Variants in CARMIL1 observed in about 807,000 individuals in gnomAD.
The protein encoded by CARMIL1 is F-actin-uncapping protein LRRC16A.
A neutral mutation model predicts 177.1 loss-of-function variants in CARMIL1; 90 were observed. The observed-to-expected ratio is 0.51, with a 90% CI of 0.43 to 0.61. The LOEUF is 0.61. Ranked by LOEUF, CARMIL1 falls within the 20% of genes least tolerant of loss-of-function variation. The probability of loss-of-function intolerance (pLI) is 0.00; values close to 1 mark genes in which losing one functional copy is unlikely to be tolerated. For missense variants in CARMIL1, 1,380 were observed against 1,667.0 expected (o/e 0.83, Z 3.00); for synonymous variants, 577 against 606.2 (o/e 0.95, Z 0.71).
At chr6:25,425,383 T>C (rs1440307099) in intron 3 of CARMIL1, among the ~76,000 whole-genome samples, 3 of 152,156 alleles carry the variant, frequency 2.0e-5, no homozygotes, top group African/African-American at 7.2e-5. Context: ...CAGTATACTT[T>C]GAGATGTTTA....
chr6:25,561,080 G>A (rs559831041), intron 29 of CARMIL1, among the ~76,000 whole-genome samples: 8 of 152,218 alleles, frequency 5.3e-5, no homozygotes, highest in East Asian at 1.9e-4. Flanking sequence ...ATGCTGAAAC[G>A]TGTATTTCTT....
intron 11 of CARMIL1, among the ~76,000 whole-genome samples, chr6:25,475,380 G>A (rs1303780528): frequency 2.0e-5 from 3 of 150,312 alleles, no homozygotes; most frequent in Non-Finnish European, 4.4e-5. Context: ...TAGCCTGGGT[G>A]AGAGAGTGAG....
At chr6:25,488,623 T>A (rs1384231129) in intron 13 of CARMIL1, 38 bp downstream of exon 13, 1 of 1,486,592 alleles carries the variant, frequency 6.7e-7, no homozygotes, top group Non-Finnish European at 9.4e-7. Context: ...TCGAAGAAGC[T>A]GTGTTTAATA....
Position 25,509,721 on chromosome 6 carries a change from A to C in CARMIL1, c.1461A>C (p.Leu487Phe), listed in dbSNP as rs932342664. The change falls in exon 18 of 37, where the codon TTA becomes TTC. Residue 487 changes from leucine (L) to phenylalanine (F), a missense_variant. By Grantham distance (22) the Leu-to-Phe change is conservative. Transcript: ENST00000329474. The surrounding 1 kb of genome is among the most constrained non-coding windows in gnomAD (Gnocchi z 4.1). ...CTGAAATACACAACATCACCAGCTT[A>C]GACATCTCTGACAATGGTAAGTCAG... is the stretch of plus-strand genomic sequence containing the variant. ...CIAEIHNITS[L>F]DISDNGLESD... 18 of 1,596,748 alleles carry C rather than the reference A, an allele frequency of 1.1e-5. No individual in the cohort carries two copies. The African/African-American group carries it at 2.4e-4, about 21-fold the overall frequency.
intron 1 of CARMIL1, 137 bp from the exon 2 acceptor site, chr6:25,284,675 C>T (rs1471569715): frequency 1.8e-5 from 10 of 557,992 alleles, no homozygotes; most frequent in Non-Finnish European, 3.2e-5. Flanking sequence ...CACCACTGCA[C>T]TCCAGCCTGG....
chr6:25,599,774 T>C (rs1269498057), intron 32 of CARMIL1, among the ~76,000 whole-genome samples: 3 of 152,178 alleles, frequency 2.0e-5, no homozygotes, highest in Non-Finnish European at 4.4e-5. Context: ...GCATGAAAAC[T>C]ATGCACAGGA....
In CARMIL1 at chr6:25,281,136, GCACACACACA is replaced by G. The variant is rs1554148590; in HGVS notation, c.40+1325_40+1334del. ...CAGACGCACGCGCGTGTGCGCGCGC[GCACACACACA>G]CACACACACACACACACACACACGC... On this transcript the variant is annotated intron_variant, in intron 1 of 36. Transcript: ENST00000329474. Among the ~76,000 whole-genome samples, 131 of 132,194 alleles carry G rather than the reference GCACACACACA, an allele frequency of 9.9e-4. 1 individual carries two copies. Among genetic ancestry groups the G allele is most frequent in the South Asian group, 4.4e-3 (16 of 3,656 alleles). 86.7% of individuals were successfully genotyped at this position (132,194 alleles called of 152,430 possible).
chr6:25,553,882 C>G (rs1047387948), intron 27 of CARMIL1, 127 bp from the exon 28 acceptor site: 2 of 657,220 alleles, frequency 3.0e-6, no homozygotes, highest in African/African-American at 1.8e-5. Context: ...TTCACACATT[C>G]TTATATTCCA....
At chr6:25,510,941 C>G (rs1234146538) in intron 20 of CARMIL1, among the ~76,000 whole-genome samples, 179 bp downstream of exon 20, 5 of 116,986 alleles carry the variant, frequency 4.3e-5, no homozygotes, top group African/African-American at 1.7e-4. Flanking sequence ...TATTTAAAAA[C>G]TTTTTTTACT....
intron 20 of CARMIL1, among the ~76,000 whole-genome samples, chr6:25,511,161 T>G (rs183667696): frequency 4.9e-4 from 74 of 152,332 alleles, no homozygotes; most frequent in African/African-American, 1.7e-3. Flanking sequence ...GAATTTCATC[T>G]AATAATTATG....
chr6:25,281,136 G>GCGCGCGCACACA lies in CARMIL1; in HGVS notation c.40+1302_40+1303insGCGCGCACACAC, dbSNP rs10642536. On this transcript the variant is annotated intron_variant, in intron 1 of 36. Coordinates refer to ENST00000329474, the MANE Select transcript of CARMIL1 (RefSeq NM_017640.6). Reference sequence around the variant, plus strand: ...CAGACGCACGCGCGTGTGCGCGCGCGCACACACACACACACACACACACAC... The same window carrying GCGCGCGCACACA: ...CAGACGCACGCGCGTGTGCGCGCGCGCGCGCGCACACACACACACACACACACACACACACAC... Among the ~76,000 whole-genome samples the GCGCGCGCACACA allele has an allele frequency of 5.1e-3, 670 of 132,130 alleles. 4 individuals are homozygous for GCGCGCGCACACA. The highest frequency in any genetic ancestry group is 0.012 in the South Asian group (45 of 3,654). The allele number at this position is 132,130 out of a possible 152,430, so 86.7% of individuals were successfully genotyped here. A position where few individuals can be genotyped will look rare whatever the true frequency, so the allele number is the denominator to read the frequency against.
In CARMIL1 at chr6:25,619,812, TC is replaced by T. The variant is rs1038447388; in HGVS notation, c.*231del. ...TAATCAAAGCACATTTGTTTGGTCT[TC>T]CTCCAACCCTTTGCATTTGATTTCT... On this transcript the variant is annotated 3_prime_UTR_variant, in exon 37 of 37. Coordinates refer to ENST00000329474, the MANE Select transcript of CARMIL1 (RefSeq NM_017640.6). 1.4e-5 allele frequency: 4 copies of T among 295,726 alleles called. No individual in the cohort carries two copies. The highest frequency in any genetic ancestry group is 9.7e-5 in the African/African-American group (4 of 41,164). 18.3% of individuals were successfully genotyped at this position (295,726 alleles called of 1,614,324 possible). A position where few individuals can be genotyped will look rare whatever the true frequency, so the allele number is the denominator to read the frequency against.
At chr6:25,296,675 GA>G (rs139589097) in intron 2 of CARMIL1, among the ~76,000 whole-genome samples, 12,320 of 152,234 alleles carry the variant, frequency 0.081, 529 homozygotes, top group South Asian at 0.11. Context: ...GTGGCCAGGA[GA>G]AGTCCAGGCC....
chr6:25,519,268 A>G (rs1311763776), intron 22 of CARMIL1, among the ~76,000 whole-genome samples: 2 of 152,248 alleles, frequency 1.3e-5, no homozygotes, highest in Admixed American at 6.5e-5. Context: ...TTAATGTCCC[A>G]GTTGCCACCA....
intron 11 of CARMIL1, among the ~76,000 whole-genome samples, chr6:25,477,000 A>C (rs527452187): frequency 2.0e-5 from 3 of 151,798 alleles, no homozygotes; most frequent in African/African-American, 7.2e-5. Flanking sequence ...GAGGCAGGAG[A>C]ATCGCTTGAA....
chr6:25,446,399 C>T (rs139171454), intron 5 of CARMIL1, among the ~76,000 whole-genome samples: 1 of 152,352 alleles, frequency 6.6e-6, no homozygotes, highest in East Asian at 1.9e-4. Flanking sequence ...CTTGCTCCTT[C>T]ATCTTGTACT....
intron 9 of CARMIL1, among the ~76,000 whole-genome samples, chr6:25,468,929 G>C (rs1156429046): frequency 6.6e-6 from 1 of 152,172 alleles, no homozygotes; most frequent in Non-Finnish European, 1.5e-5. Flanking sequence ...ATGATCCCAA[G>C]AATTATTTCT....
chr6:25,332,133 G>T (rs1785685887), intron 2 of CARMIL1, among the ~76,000 whole-genome samples: 1 of 152,134 alleles, frequency 6.6e-6, no homozygotes, highest in South Asian at 2.1e-4. Flanking sequence ...TGAATCACTA[G>T]GACTATTGTG....
At chr6:25,591,536 CA>C (rs1368656643) in intron 31 of CARMIL1, among the ~76,000 whole-genome samples, 1 of 152,140 alleles carries the variant, frequency 6.6e-6, no homozygotes, top group Admixed American at 6.6e-5. Flanking sequence ...CAGAAAAGAC[CA>C]AAAGCAAATG....
Sources: allele counts gnomAD v4.1 joint callset (sites outside exome capture counted in the v4.1 genomes callset), GRCh38; gene constraint gnomAD v4.1.1; non-coding constraint Gnocchi (gnomAD v3.1); transcripts MANE v1.5; gene names NCBI Gene and HGNC (gene_info 2026-07-23, HGNC 2026-07-21).